SH3GL1: variants seen among roughly 807,000 people sequenced by gnomAD.
The protein encoded by SH3GL1 is SH3 domain containing GRB2 like 1, endophilin A2, also known as endophilin-A2.
Under a neutral mutation model 48.8 loss-of-function variants are expected in SH3GL1, and 21 were observed. The ratio of observed to expected loss-of-function variants is 0.43; its 90% CI spans 0.30 to 0.62. The LOEUF (loss-of-function observed/expected upper bound fraction) is 0.62, where lower values mean the gene tolerates loss of function less well. Among genes scored for constraint, SH3GL1 ranks in the 20% least tolerant of loss-of-function variants. The probability of loss-of-function intolerance (pLI) is 0.11; values close to 1 mark genes in which losing one functional copy is unlikely to be tolerated. For synonymous variants in SH3GL1, 282 were observed against 217.5 expected, an observed-to-expected ratio of 1.30 and a Z score of -2.61; for missense variants, 454 against 503.0, an observed-to-expected ratio of 0.90 and a Z score of 0.93.
chr19:4,362,526 C>T (rs570302706), intron 8 of SH3GL1, 86 bp downstream of exon 8: 33 of 1,593,960 alleles, frequency 2.1e-5, no homozygotes, highest in African/African-American at 6.7e-5. Context: ...AGGAGTCTGG[C>T]GCTCAGAGAC....
chr19:4,379,019 A>C (rs1465406959), intron 1 of SH3GL1, among the ~76,000 whole-genome samples: 2 of 152,242 alleles, frequency 1.3e-5, no homozygotes, highest in Non-Finnish European at 2.9e-5. Context: ...TCGTGCACGA[A>C]ATCTCATGTT....
chr19:4,360,801 G>A lies in SH3GL1; in HGVS notation c.*799C>T, dbSNP rs1972586271. ...TGTGGTCCCGTGTGAGGTGTGCTGGGGTGGGTGTGGGTGGCTGGTGGTGGC... is the reference window on the plus strand; with the variant it reads ...TGTGGTCCCGTGTGAGGTGTGCTGGAGTGGGTGTGGGTGGCTGGTGGTGGC... On this transcript the variant is annotated 3_prime_UTR_variant, in exon 10 of 10. Transcript: ENST00000269886. 4 of 234,150 alleles carry A rather than the reference G, an allele frequency of 1.7e-5. No homozygotes were observed. Among genetic ancestry groups the A allele is most frequent in the Non-Finnish European group, 3.4e-5 (4 of 118,650 alleles). The allele number at this position is 234,150 out of a possible 1,614,324, so 14.5% of individuals were successfully genotyped here. A position where few individuals can be genotyped will look rare whatever the true frequency, so the allele number is the denominator to read the frequency against.
chr19:4,364,894 GTGTGTATATATA>G (rs1350521083), intron 4 of SH3GL1, among the ~76,000 whole-genome samples: 4 of 113,176 alleles, frequency 3.5e-5, no homozygotes, highest in Admixed American at 8.5e-5. Context: ...GTGTGTGTGT[GTGTGTATATATA>G]TATATATATA....
In SH3GL1 at chr19:4,378,977, C is replaced by T. The variant is rs1973066900; in HGVS notation, c.46-11983G>A. 2.0e-5 allele frequency among the ~76,000 whole-genome samples: 3 copies of T among 152,226 alleles called. No individual in the cohort carries two copies. The South Asian group carries it at 6.2e-4, about 32-fold the overall frequency. ...CTGGTGAGGCACTCACAGGACCACG[C>T]ACACCAGGAAAAACTGGCTACAGCT... On this transcript the variant is annotated intron_variant, in intron 1 of 9. Coordinates refer to ENST00000269886, the MANE Select transcript of SH3GL1 (RefSeq NM_003025.4).
chr19:4,365,375 C>A (rs758711163), intron 4 of SH3GL1, 107 bp downstream of exon 4: 119 of 1,464,588 alleles, frequency 8.1e-5, no homozygotes, highest in Non-Finnish European at 1.1e-4. Flanking sequence ...GTGGGGGCCA[C>A]TGTACGTCCC....
intron 1 of SH3GL1, among the ~76,000 whole-genome samples, chr19:4,378,678 G>C (rs1973060974): frequency 6.6e-6 from 1 of 152,186 alleles, no homozygotes; most frequent in South Asian, 2.1e-4. Context: ...TCGCGCCATT[G>C]TACTCCAGCC....
intron 1 of SH3GL1, among the ~76,000 whole-genome samples, chr19:4,382,001 C>T (rs1973143691): frequency 6.6e-6 from 1 of 152,098 alleles, no homozygotes; most frequent in Admixed American, 6.6e-5. Flanking sequence ...ACAAAGTCTT[C>T]ACTAGGTCAG....
chr19:4,375,232 C>T (rs1972984079), intron 1 of SH3GL1, among the ~76,000 whole-genome samples: 1 of 151,856 alleles, frequency 6.6e-6, no homozygotes. Context: ...GGCCCTCCAG[C>T]CCCCACCTGG....
chr19:4,383,550 A>G (rs969969255), intron 1 of SH3GL1, among the ~76,000 whole-genome samples: 1 of 152,046 alleles, frequency 6.6e-6, no homozygotes, highest in Non-Finnish European at 1.5e-5. Flanking sequence ...GTATTTCCTT[A>G]GTTCATATTT....
At chr19:4,371,525 A>G (rs1972900509) in intron 1 of SH3GL1, among the ~76,000 whole-genome samples, 1 of 152,192 alleles carries the variant, frequency 6.6e-6, no homozygotes, top group Non-Finnish European at 1.5e-5. Context: ...CCAGCAGACT[A>G]TCTGCTCTGA....
chr19:4,375,466 G>A (rs927165149), intron 1 of SH3GL1, among the ~76,000 whole-genome samples: 1 of 152,230 alleles, frequency 6.6e-6, no homozygotes. Flanking sequence ...GGGAGCAGGT[G>A]GGAAGCTCAT....
Position 4,367,117 on chromosome 19 carries a change from A to T in SH3GL1, c.46-123T>A, listed in dbSNP as rs1972799358. ...GCTGGAGGCAGGAGGCCAAGTGATC[A>T]GGACACACACCTCAGGCACTGCCGT... On this transcript the variant is annotated intron_variant, in intron 1 of 9. Transcript: ENST00000269886. This position sits in a 1 kb window ranked among gnomAD's most constrained non-coding sequence, Gnocchi z 4.2. 1 of 778,144 alleles carries T rather than the reference A, an allele frequency of 1.3e-6. No individual in the cohort carries two copies. Among genetic ancestry groups the T allele is most frequent in the Non-Finnish European group, 2.2e-6 (1 of 453,648 alleles). 48.2% of individuals were successfully genotyped at this position (778,144 alleles called of 1,614,324 possible).
At chr19:4,384,459 C>T (rs1189552556) in intron 1 of SH3GL1, among the ~76,000 whole-genome samples, 2 of 152,166 alleles carry the variant, frequency 1.3e-5, no homozygotes, top group East Asian at 3.8e-4. Context: ...TTTTTCCAGG[C>T]TAGGACTGCT....
In SH3GL1 at chr19:4,376,588, C is replaced by T. The variant is rs563446491; in HGVS notation, c.46-9594G>A. 7.9e-5 allele frequency among the ~76,000 whole-genome samples: 12 copies of T among 152,164 alleles called. No individual in the cohort carries two copies. The highest frequency in any genetic ancestry group is 1.5e-4 in the Non-Finnish European group (10 of 67,970). Reference sequence around the variant, plus strand: ...CACCACTGATGCCTCCTCTCTCGTGCGCCTGCCCCTTCACACTTCATCTTA... The same window carrying T: ...CACCACTGATGCCTCCTCTCTCGTGTGCCTGCCCCTTCACACTTCATCTTA... On this transcript the variant is annotated intron_variant, in intron 1 of 9. Coordinates refer to ENST00000269886, the MANE Select transcript of SH3GL1 (RefSeq NM_003025.4). This position sits in a 1 kb window ranked among gnomAD's most constrained non-coding sequence, Gnocchi z 4.3.
chr19:4,374,916 G>A (rs1016310386), intron 1 of SH3GL1, among the ~76,000 whole-genome samples: 1 of 152,174 alleles, frequency 6.6e-6, no homozygotes, highest in South Asian at 2.1e-4. Context: ...CTCCCTCACC[G>A]CCCGTCTGGC....
intron 1 of SH3GL1, among the ~76,000 whole-genome samples, chr19:4,378,756 C>T (rs563062220): frequency 1.3e-5 from 2 of 152,244 alleles, no homozygotes; most frequent in South Asian, 4.2e-4. Flanking sequence ...CACCACCCTA[C>T]GATCCTAGGC....
At chr19:4,362,544 A>G (rs1972649979) in intron 8 of SH3GL1, 68 bp downstream of exon 8, 11 of 1,606,066 alleles carry the variant, frequency 6.8e-6, no homozygotes, top group South Asian at 2.2e-5. Context: ...GACCCAGGAC[A>G]GGGCCAGCCC....
At position 4,376,045 on chromosome 19, in the gene SH3GL1, G is replaced by A. The variant is rs1010784502; in HGVS notation, c.46-9051C>T. On this transcript the variant is annotated intron_variant, in intron 1 of 9. Coordinates refer to ENST00000269886, the MANE Select transcript of SH3GL1 (RefSeq NM_003025.4). The surrounding 1 kb of genome is among the most constrained non-coding windows in gnomAD (Gnocchi z 4.3). ...GGAAGAGACTGGAAATGGTCTTGGA[G>A]AGAGAACTGCGGGGCATGGTGACAG... Among the ~76,000 whole-genome samples, 4 of 152,242 alleles carry A rather than the reference G, an allele frequency of 2.6e-5. No homozygotes were observed. The highest frequency in any genetic ancestry group is 9.6e-5 in the African/African-American group (4 of 41,468).
chr19:4,368,234 C>G (rs1490691159), intron 1 of SH3GL1, among the ~76,000 whole-genome samples: 2 of 152,236 alleles, frequency 1.3e-5, no homozygotes, highest in Non-Finnish European at 2.9e-5. Flanking sequence ...CAAGGGATGC[C>G]ATGAGGGTCC....
Sources: allele counts gnomAD v4.1 joint callset (sites outside exome capture counted in the v4.1 genomes callset), GRCh38; gene constraint gnomAD v4.1.1; non-coding constraint Gnocchi (gnomAD v3.1); transcripts MANE v1.5; gene names NCBI Gene and HGNC (gene_info 2026-07-23, HGNC 2026-07-21).